The following CDH13 variants were observed in gnomAD, a reference collection of about 807,000 sequenced individuals.
The protein encoded by CDH13 is cadherin-13.
In CDH13, 24 loss-of-function variants were observed where a neutral mutation model predicts 63.8. That is an observed-to-expected ratio of 0.38 (90% CI 0.27 to 0.53). The LOEUF (loss-of-function observed/expected upper bound fraction) is 0.53, where lower values mean the gene tolerates loss of function less well. CDH13 is among the 20% of genes least tolerant of loss of function. CDH13 has a pLI of 0.85. For missense variants in CDH13, 1,049 were observed against 903.1 expected (o/e 1.16, Z -2.07); for synonymous variants, 503 against 355.3 (o/e 1.42, Z -4.67).
intron 1 of CDH13, among the ~76,000 whole-genome samples, chr16:82,756,993 G>A (rs1286882900): frequency 2.0e-5 from 3 of 152,114 alleles, no homozygotes; most frequent in African/African-American, 7.2e-5. Context: ...GTTGACGACT[G>A]ACCTTTCCTT....
At chr16:83,220,437 G>A (rs144567218) in intron 5 of CDH13, among the ~76,000 whole-genome samples, 2 of 152,154 alleles carry the variant, frequency 1.3e-5, no homozygotes, top group Non-Finnish European at 2.9e-5. Context: ...AGCAAATGTG[G>A]TTCTTCAAAG....
intron 3 of CDH13, among the ~76,000 whole-genome samples, chr16:83,095,161 C>T (rs968461335): frequency 1.1e-4 from 16 of 152,304 alleles, no homozygotes; most frequent in African/African-American, 3.6e-4. Context: ...GGTATAAATA[C>T]TCACACTGTG....
At chr16:83,585,877 G>A (rs1906107079) in intron 7 of CDH13, among the ~76,000 whole-genome samples, 1 of 152,136 alleles carries the variant, frequency 6.6e-6, no homozygotes, top group Non-Finnish European at 1.5e-5. Flanking sequence ...TACTGTGTAT[G>A]CCCCAGGGTG....
At chr16:83,747,099 T>G (rs1912651931) in intron 10 of CDH13, among the ~76,000 whole-genome samples, 1 of 152,220 alleles carries the variant, frequency 6.6e-6, no homozygotes, top group Non-Finnish European at 1.5e-5. Context: ...CAACAAATAT[T>G]TAGTGTCGCA....
intron 5 of CDH13, among the ~76,000 whole-genome samples, chr16:83,306,885 C>T (rs1008740525): frequency 4.6e-5 from 7 of 152,032 alleles, no homozygotes; most frequent in Non-Finnish European, 1.0e-4. Flanking sequence ...TATAGCAACA[C>T]GAAATGGGCT....
At chr16:83,111,081 A>T (rs1352854418) in intron 3 of CDH13, among the ~76,000 whole-genome samples, 5 of 149,840 alleles carry the variant, frequency 3.3e-5, no homozygotes, top group African/African-American at 1.2e-4. Context: ...CTGAGGCAGG[A>T]GAATGGCGTG....
At chr16:83,222,137 A>G (rs928400400) in intron 5 of CDH13, among the ~76,000 whole-genome samples, 1 of 152,172 alleles carries the variant, frequency 6.6e-6, no homozygotes, top group Admixed American at 6.5e-5. Flanking sequence ...AACTGGAACC[A>G]CCTGTGTTCC....
At chr16:82,960,392 C>G (rs1010510704) in intron 2 of CDH13, among the ~76,000 whole-genome samples, 1 of 152,044 alleles carries the variant, frequency 6.6e-6, no homozygotes, top group Non-Finnish European at 1.5e-5. Context: ...TGGGAGCTGA[C>G]ATGGGAAAGA....
At chr16:83,526,675 A>G (rs1299948054) in intron 7 of CDH13, among the ~76,000 whole-genome samples, 2 of 152,120 alleles carry the variant, frequency 1.3e-5, no homozygotes, top group Non-Finnish European at 2.9e-5. Context: ...GGCTTAAATG[A>G]TGAAATTTGC....
At chr16:83,154,240 A>G (rs2037112304) in intron 4 of CDH13, among the ~76,000 whole-genome samples, 2 of 152,090 alleles carry the variant, frequency 1.3e-5, no homozygotes, top group South Asian at 2.1e-4. Context: ...CTGATCTGCA[A>G]TGAACCTGTC....
At chr16:83,713,723 A>G (rs143887724) in intron 10 of CDH13, among the ~76,000 whole-genome samples, 11 of 152,236 alleles carry the variant, frequency 7.2e-5, no homozygotes, top group Non-Finnish European at 1.3e-4. Context: ...CCAGAACTCG[A>G]TCTGAGGGTT....
At chr16:83,086,497 T>C (rs9937468) in intron 3 of CDH13, among the ~76,000 whole-genome samples, 92,524 of 152,016 alleles carry the variant, frequency 0.61, 29,041 homozygotes, top group African/African-American at 0.76. Context: ...TCCCAGATCC[T>C]TTATCAAGGA....
rs527639511 is a variant in CDH13, at chr16:83,634,250, C to A, written c.1101+31656C>A. Among the ~76,000 whole-genome samples the A allele has an allele frequency of 3.3e-5, 5 of 152,076 alleles. No homozygotes were observed. The South Asian group carries it at 6.3e-4, about 19-fold the overall frequency. ...AGCTGCATGGTCACAGAAGGGCTACCTGTCTTGCTACTCCTTATTAGTTGT... is the reference window on the plus strand; with the variant it reads ...AGCTGCATGGTCACAGAAGGGCTACATGTCTTGCTACTCCTTATTAGTTGT... On this transcript the variant is annotated intron_variant, in intron 8 of 13. Coordinates refer to ENST00000567109, the MANE Select transcript of CDH13 (RefSeq NM_001257.5).
intron 1 of CDH13, among the ~76,000 whole-genome samples, chr16:82,665,677 A>G (rs543579182): frequency 6.6e-6 from 1 of 151,818 alleles, no homozygotes; most frequent in Non-Finnish European, 1.5e-5. Context: ...TCATGCCTCA[A>G]CTCTGCTTGG....
chr16:82,667,582 T>C (rs1299510949), intron 1 of CDH13, among the ~76,000 whole-genome samples: 5 of 152,132 alleles, frequency 3.3e-5, no homozygotes, highest in African/African-American at 4.8e-5. Context: ...GCGGAGAGGC[T>C]CTCAGTTCAG....
chr16:83,012,445 T>C (rs557677447), intron 2 of CDH13, among the ~76,000 whole-genome samples: 109 of 152,166 alleles, frequency 7.2e-4, no homozygotes, highest in African/African-American at 2.4e-3. Context: ...CTTTGGGCTA[T>C]GTAATTCCCA....
At chr16:83,477,777 C>A (rs1459349143) in intron 6 of CDH13, among the ~76,000 whole-genome samples, 3 of 152,170 alleles carry the variant, frequency 2.0e-5, no homozygotes, top group Non-Finnish European at 4.4e-5. Flanking sequence ...GGGCCTCAGA[C>A]CGAAGCTTGC....
chr16:83,457,290 C>A (rs750086715), intron 6 of CDH13, among the ~76,000 whole-genome samples: 1 of 152,160 alleles, frequency 6.6e-6, no homozygotes, highest in South Asian at 2.1e-4. Flanking sequence ...GTTTGATAAA[C>A]ATTACCTCTA....
chr16:82,764,815 C>CTA (rs2034989820), intron 1 of CDH13, among the ~76,000 whole-genome samples: 1 of 135,282 alleles, frequency 7.4e-6, no homozygotes, highest in South Asian at 2.4e-4. Context: ...TTCATTCATT[C>CTA]TTTTTTTTTT....
Sources: gnomAD v4.1 joint callset for allele counts (sites outside exome capture counted in the v4.1 genomes callset) on GRCh38, gnomAD v4.1.1 for gene constraint, MANE v1.5 for transcripts, NCBI Gene and HGNC (gene_info 2026-07-23, HGNC 2026-07-21) for gene names.